Variants in MUC15 observed in about 807,000 individuals in gnomAD.
MUC15 encodes mucin 15, cell surface associated.
In MUC15, 23 loss-of-function variants were observed where a neutral mutation model predicts 24.0. That is an observed-to-expected ratio of 0.96 (90% CI 0.69 to 1.36). The LOEUF is 1.36. Among genes scored for constraint, MUC15 ranks in the 40% most tolerant of loss-of-function variants. MUC15 has a pLI of 0.00. For synonymous variants in MUC15, 151 were observed against 156.3 expected, an observed-to-expected ratio of 0.97 and a Z score of 0.25; for missense variants, 442 against 428.2, an observed-to-expected ratio of 1.03 and a Z score of -0.29.
chr11:26,563,895 A>G (rs1381337463), intron 3 of MUC15, among the ~76,000 whole-genome samples: 1 of 151,846 alleles, frequency 6.6e-6, no homozygotes, highest in Non-Finnish European at 1.5e-5. Flanking sequence ...TTCACTCGGT[A>G]TCTTATTTGA....
intron 1 of MUC15, among the ~76,000 whole-genome samples, chr11:26,568,087 T>A (rs1455826604): frequency 3.3e-5 from 5 of 152,028 alleles, no homozygotes; most frequent in Non-Finnish European, 5.9e-5. Flanking sequence ...TTTGTGATCA[T>A]TCTGCTTATT....
At chr11:26,570,052 G>A (rs1850758850) in intron 1 of MUC15, among the ~76,000 whole-genome samples, 1 of 152,016 alleles carries the variant, frequency 6.6e-6, no homozygotes, top group African/African-American at 2.4e-5. Context: ...ACTATAAAGT[G>A]AACAGAGAAA....
In MUC15 at chr11:26,565,544, G is replaced by T; in HGVS notation, c.396C>A (p.Thr132=). Residue 132 remains threonine, a synonymous_variant, in exon 3 of 5, where the codon ACC becomes ACA. Coordinates refer to ENST00000529533, the MANE Select transcript of MUC15 (RefSeq NM_001135091.2). ...HSLGSLKPTS[T]ISTSPPLIHS... is the part of the protein sequence containing the mutation. ...GGATCAAGGGAGGGCTTGTGGAAAT[G>T]GTAGATGTGGGTTTTAGACTGCCCA... 1 of 1,613,330 alleles carries T rather than the reference G, an allele frequency of 6.2e-7. No homozygotes were observed. Among genetic ancestry groups the T allele is most frequent in the Non-Finnish European group, 8.5e-7 (1 of 1,179,544 alleles).
At position 26,570,390 on chromosome 11, in the gene MUC15, G is replaced by A. The variant is rs1429861967; in HGVS notation, c.-46+1651C>T. Among the ~76,000 whole-genome samples the A allele has an allele frequency of 3.3e-5, 5 of 152,166 alleles. No homozygotes were observed. In the East Asian group the frequency reaches 9.7e-4, roughly 29 times the overall value. On this transcript the variant is annotated intron_variant, in intron 1 of 4. Transcript: ENST00000529533. Reference sequence around the variant, plus strand: ...TCCATATTTTTGCTTCCTTTTAAATGCATAAAGTCATTATTCTGTCCAGGC... The same window carrying A: ...TCCATATTTTTGCTTCCTTTTAAATACATAAAGTCATTATTCTGTCCAGGC...
chr11:26,565,858 T>C lies in MUC15; in HGVS notation c.82A>G (p.Met28Val). 4.4e-6 allele frequency: 7 copies of C among 1,600,944 alleles called. No individual in the cohort carries two copies. The highest frequency in any genetic ancestry group is 5.1e-6 in the Non-Finnish European group (6 of 1,176,356). Residue 28 changes from methionine to valine, a missense_variant, in exon 3 of 5, where the codon ATG (methionine) becomes GTG (valine). Coordinates refer to ENST00000529533, the MANE Select transcript of MUC15 (RefSeq NM_001135091.2). ...AACAGAATTTTGGCTAAGGCCAACA[T>C]TGTAGGCTTCTTTGGTATTGGTTTT... ...KKKPIPKKPT[M>V]LALAKILLIS...
chr11:26,564,294 T>G (rs1239582718), intron 3 of MUC15, among the ~76,000 whole-genome samples: 4 of 151,650 alleles, frequency 2.6e-5, no homozygotes, highest in Non-Finnish European at 5.9e-5. Context: ...AGCCTATATT[T>G]CAGAATTTAA....
At chr11:26,564,782 T>TCTG (rs1565109291) in intron 3 of MUC15, among the ~76,000 whole-genome samples, 3,737 of 104,056 alleles carry the variant, frequency 0.036, 225 homozygotes, top group Non-Finnish European at 0.056. Flanking sequence ...TATATATATA[T>TCTG]ATAAGTTCAG....
rs754710758 is a variant in MUC15, at chr11:26,561,140, G to A, written c.1011C>T (p.Ala337=). 1 of 1,612,762 alleles carries A rather than the reference G, an allele frequency of 6.2e-7. No homozygotes were observed. The highest frequency in any genetic ancestry group is 1.7e-5 in the Admixed American group (1 of 59,888). The change falls in exon 5 of 5, where the codon GCC becomes GCT. Residue 337 remains alanine (A), a synonymous_variant. Coordinates refer to ENST00000529533, the MANE Select transcript of MUC15 (RefSeq NM_001135091.2). ...GTGCATTTTCTTCACTTTCTGGCAT[G>A]GCTGAATCATTCAAAGTTGGATTGT... is the stretch of plus-strand genomic sequence containing the variant. ...SYYNPTLNDS[A]MPESEENARD... is the part of the protein sequence containing the mutation.
Position 26,572,210 on chromosome 11 carries a change from T to C in MUC15, c.-215A>G, listed in dbSNP as rs186301924. 15 of 985,418 alleles carry C rather than the reference T, an allele frequency of 1.5e-5. No individual in the cohort carries two copies. Among genetic ancestry groups the C allele is most frequent in the Non-Finnish European group, 1.8e-5 (15 of 830,014 alleles). 61.0% of individuals were successfully genotyped at this position (985,418 alleles called of 1,614,324 possible). On this transcript the variant is annotated 5_prime_UTR_variant, in exon 1 of 5. Coordinates refer to ENST00000529533, the MANE Select transcript of MUC15 (RefSeq NM_001135091.2). Reference sequence around the variant, plus strand: ...TAGGTGGGGCTGGCTGTATCTTGCTTGTGTAACAGAGCGCCCAGGAACCTG... The same window carrying C: ...TAGGTGGGGCTGGCTGTATCTTGCTCGTGTAACAGAGCGCCCAGGAACCTG...
chr11:26,561,271 A>G, intron 4 of MUC15, 46 bp from the exon 5 acceptor site: 1 of 1,445,128 alleles, frequency 6.9e-7, no homozygotes, highest in East Asian at 2.6e-5. Flanking sequence ...ATACTCTGAA[A>G]GATTCATGTT....
chr11:26,560,447 C>T lies in MUC15; in HGVS notation c.*618G>A, dbSNP rs1270390753. 1.3e-5 allele frequency: 2 copies of T among 152,186 alleles called. No individual in the cohort carries two copies. Among genetic ancestry groups the T allele is most frequent in the African/African-American group, 4.8e-5 (2 of 41,386 alleles). The allele number at this position is 152,186 out of a possible 1,614,324, so 9.4% of individuals were successfully genotyped here. ...GTAGGGTCAGCTTTCCTGCCATGGC[C>T]CCGTTGAATGCAGTCATTGTCAGCT... On this transcript the variant is annotated 3_prime_UTR_variant, in exon 5 of 5. Transcript: ENST00000529533.
rs1368485829 is a variant in MUC15 at position 26,560,883 on chromosome 11, A to T, written c.*182T>A. 3.6e-6 allele frequency: 2 copies of T among 548,246 alleles called. No homozygotes were observed. The highest frequency in any genetic ancestry group is 8.3e-5 in the Admixed American group (2 of 23,994). 34.0% of individuals were successfully genotyped at this position (548,246 alleles called of 1,614,324 possible). On this transcript the variant is annotated 3_prime_UTR_variant, in exon 5 of 5. Coordinates refer to ENST00000529533, the MANE Select transcript of MUC15 (RefSeq NM_001135091.2). ...ATGCCTCAGGATGGCCAAAAATTGT[A>T]AGAAAGAAAACCTTTGGATGATACA...
At chr11:26,565,932 T>TA in intron 2 of MUC15, 36 bp from the exon 3 acceptor site, 1 of 1,495,508 alleles carries the variant, frequency 6.7e-7, no homozygotes, top group Non-Finnish European at 8.9e-7. Flanking sequence ...ATTCCTTAAA[T>TA]AAAATACTCT....
chr11:26,571,810 T>A (rs1219832435), intron 1 of MUC15, among the ~76,000 whole-genome samples: 1 of 152,120 alleles, frequency 6.6e-6, no homozygotes, highest in East Asian at 1.9e-4. Context: ...TCTAGCAAAT[T>A]TGGCAGTAAT....
intron 1 of MUC15, among the ~76,000 whole-genome samples, chr11:26,569,848 G>C (rs917119056): frequency 1.2e-4 from 18 of 152,032 alleles, no homozygotes; most frequent in Admixed American, 9.2e-4. Flanking sequence ...GTGCACTGTG[G>C]GGGCAGACAG....
intron 3 of MUC15, among the ~76,000 whole-genome samples, chr11:26,563,766 G>C (rs1440058292): frequency 6.6e-6 from 1 of 151,814 alleles, no homozygotes; most frequent in African/African-American, 2.4e-5. Flanking sequence ...TATCCTGATA[G>C]AAGGTATTTC....
chr11:26,562,720 G>C (rs188500185), intron 4 of MUC15, among the ~76,000 whole-genome samples: 9 of 151,840 alleles, frequency 5.9e-5, no homozygotes, highest in African/African-American at 2.2e-4. Context: ...CTCCAAATTA[G>C]AATCAATCTT....
intron 1 of MUC15, among the ~76,000 whole-genome samples, chr11:26,568,478 T>TC (rs879862644): frequency 2.1e-4 from 32 of 151,930 alleles, no homozygotes; most frequent in Non-Finnish European, 4.6e-4. Flanking sequence ...CATAGTTTTT[T>TC]TTTTTAATAC....
rs71047866 is a variant in MUC15 at position 26,559,835 on chromosome 11, TACACACACACACAC to T, written c.*1216_*1229del. On this transcript the variant is annotated 3_prime_UTR_variant, in exon 5 of 5. Transcript: ENST00000529533. ...TTATTTTCTGAAGCTGTTTCTGTGT[TACACACACACACAC>T]ACACACACACACACACACACACACA... is the stretch of plus-strand genomic sequence containing the variant. 2.4e-4 allele frequency: 160 copies of T among 661,908 alleles called. 1 individual carries two copies. The highest frequency in any genetic ancestry group is 3.2e-4 in the Non-Finnish European group (117 of 369,526). The allele number at this position is 661,908 out of a possible 1,614,324, so 41.0% of individuals were successfully genotyped here. A position where few individuals can be genotyped will look rare whatever the true frequency, so the allele number is the denominator to read the frequency against.
Sources: gnomAD v4.1 joint callset for allele counts (sites outside exome capture counted in the v4.1 genomes callset) on GRCh38, gnomAD v4.1.1 for gene constraint, MANE v1.5 for transcripts, NCBI Gene and HGNC (gene_info 2026-07-23, HGNC 2026-07-21) for gene names.